AK9: variants seen among roughly 807,000 people sequenced by gnomAD.
AK9 encodes adenylate kinase domain containing 1.
In AK9, 191 loss-of-function variants were observed where a neutral mutation model predicts 239.6. The ratio of observed to expected loss-of-function variants is 0.80; its 90% CI spans 0.71 to 0.90. The LOEUF (loss-of-function observed/expected upper bound fraction) is 0.90, where lower values mean the gene tolerates loss of function less well. AK9 is among the 40% of genes least tolerant of loss of function. The pLI is 0.00. For missense variants in AK9, 1,995 were observed against 2,214.7 expected, an observed-to-expected ratio of 0.90 and a Z score of 1.99; for synonymous variants, 689 against 721.0, an observed-to-expected ratio of 0.96 and a Z score of 0.71.
intron 24 of AK9, among the ~76,000 whole-genome samples, chr6:109,552,822 T>C (rs1022636715): frequency 6.6e-6 from 1 of 152,190 alleles, no homozygotes; most frequent in Non-Finnish European, 1.5e-5. Context: ...TCTTCTACGT[T>C]TTTTTATGCT....
intron 21 of AK9, among the ~76,000 whole-genome samples, chr6:109,573,122 G>C (rs1056966592): frequency 6.6e-6 from 1 of 152,138 alleles, no homozygotes; most frequent in African/African-American, 2.4e-5. Context: ...ATGACAAATT[G>C]AGAGACAGAC....
intron 29 of AK9, chr6:109,528,680 G>T (rs376186741): frequency 1.1e-5 from 5 of 473,866 alleles, no homozygotes; most frequent in Non-Finnish European, 2.1e-5. Flanking sequence ...ATTCACACCA[G>T]GGTGACATGT....
chr6:109,603,636 C>T (rs1792401187), intron 17 of AK9, among the ~76,000 whole-genome samples: 3 of 152,214 alleles, frequency 2.0e-5, no homozygotes, highest in South Asian at 4.1e-4. Context: ...GAGGTTTCTG[C>T]TGCCTTTTGT....
intron 12 of AK9, among the ~76,000 whole-genome samples, chr6:109,626,785 G>A (rs1245218215): frequency 1.3e-5 from 2 of 152,148 alleles, no homozygotes; most frequent in African/African-American, 2.4e-5. Flanking sequence ...TGCTACAGCT[G>A]TATAGGGAAC....
intron 17 of AK9, among the ~76,000 whole-genome samples, chr6:109,601,383 A>G (rs371966067): frequency 1.1e-4 from 16 of 152,272 alleles, no homozygotes; most frequent in Admixed American, 5.9e-4. Flanking sequence ...GTAGTTGAGC[A>G]GTTTTGAGTG....
chr6:109,644,559 C>A, intron 9 of AK9, 55 bp downstream of exon 9: 1 of 1,435,478 alleles, frequency 7.0e-7, no homozygotes, highest in South Asian at 1.2e-5. Context: ...ACAATACTGT[C>A]AATAGATTTA....
chr6:109,533,684 A>C (rs779670837), intron 27 of AK9, among the ~76,000 whole-genome samples: 21 of 152,192 alleles, frequency 1.4e-4, no homozygotes, highest in Non-Finnish European at 2.8e-4. Context: ...TGTAATGAAT[A>C]GTTTAAAAAT....
At chr6:109,575,267 T>C (rs1225754040) in intron 20 of AK9, among the ~76,000 whole-genome samples, 4 of 152,290 alleles carry the variant, frequency 2.6e-5, no homozygotes, top group East Asian at 3.9e-4. Flanking sequence ...GTGTTTTCCA[T>C]AGTGTTGTAC....
intron 35 of AK9, 61 bp downstream of exon 35, chr6:109,506,266 A>T (rs886797086): frequency 1.4e-6 from 2 of 1,465,952 alleles, no homozygotes; most frequent in Non-Finnish European, 9.5e-7. Context: ...CAGTAACATG[A>T]GTCAGGCATG....
At chr6:109,609,225 A>G (rs1458552140) in intron 17 of AK9, among the ~76,000 whole-genome samples, 3 of 152,202 alleles carry the variant, frequency 2.0e-5, no homozygotes, top group Admixed American at 2.0e-4. Context: ...GCAAATATGG[A>G]AATTCCACAG....
intron 15 of AK9, among the ~76,000 whole-genome samples, chr6:109,613,214 C>T (rs1793784620): frequency 6.6e-6 from 1 of 151,340 alleles, no homozygotes; most frequent in African/African-American, 2.4e-5. Flanking sequence ...TGAAAAATAC[C>T]TTTACTTCAA....
chr6:109,566,282 A>ACCT, intron 21 of AK9, among the ~76,000 whole-genome samples: 1 of 152,120 alleles, frequency 6.6e-6, no homozygotes, highest in Non-Finnish European at 1.5e-5. Flanking sequence ...TAAATACTCT[A>ACCT]CCTACCCTTC....
chr6:109,677,144 T>C (rs991304904), intron 1 of AK9, among the ~76,000 whole-genome samples: 1 of 152,166 alleles, frequency 6.6e-6, no homozygotes, highest in African/African-American at 2.4e-5. Context: ...TTGGGTACTA[T>C]GCTTATTATC....
chr6:109,628,458 G>A (rs1795782827), intron 12 of AK9, among the ~76,000 whole-genome samples: 2 of 152,170 alleles, frequency 1.3e-5, no homozygotes, highest in African/African-American at 4.8e-5. Flanking sequence ...CCCTATCCAT[G>A]CAGACAATTG....
chr6:109,664,672 C>T (rs1800922353), intron 5 of AK9, among the ~76,000 whole-genome samples: 1 of 151,910 alleles, frequency 6.6e-6, no homozygotes, highest in Non-Finnish European at 1.5e-5. Context: ...ATCCGCCTGC[C>T]TCGGCCTCTC....
chr6:109,619,485 T>C (rs916412106), intron 12 of AK9, among the ~76,000 whole-genome samples: 3 of 152,098 alleles, frequency 2.0e-5, no homozygotes, highest in African/African-American at 7.2e-5. Context: ...AGTATATATA[T>C]TCAGATTATG....
chr6:109,509,361 A>C lies in AK9; in HGVS notation c.4299T>G (p.Ser1433Arg). Residue 1433 changes from serine (S) to arginine (R), a missense_variant, in exon 33 of 41, where the codon AGT becomes AGG. Coordinates refer to ENST00000424296, the MANE Select transcript of AK9 (RefSeq NM_001145128.3). The part of the protein sequence containing the change: ...GKTTVAKKIT[S>R]EYGLKHLSIG... ...TTGATAAATGCTTTAACCCATATTC[A>C]CTTGTAATTTTTTTGGCAACTGAAA... is the stretch of plus-strand genomic sequence containing the variant. 6.5e-7 allele frequency: 1 copy of C among 1,548,342 alleles called. No homozygotes were observed. The highest frequency in any genetic ancestry group is 8.7e-7 in the Non-Finnish European group (1 of 1,145,988).
chr6:109,632,315 G>A (rs1796167999), intron 12 of AK9: 3 of 985,528 alleles, frequency 3.0e-6, no homozygotes, highest in Admixed American at 6.1e-5. Context: ...TCTTGCATAG[G>A]CAATCCTCAA....
intron 5 of AK9, among the ~76,000 whole-genome samples, chr6:109,670,085 T>G (rs992121659): frequency 6.6e-6 from 1 of 152,156 alleles, no homozygotes; most frequent in African/African-American, 2.4e-5. Flanking sequence ...ACAAATGACC[T>G]GTTTTCTTCA....
Sources: gnomAD v4.1 joint callset for allele counts (sites outside exome capture counted in the v4.1 genomes callset) on GRCh38, gnomAD v4.1.1 for gene constraint, MANE v1.5 for transcripts, NCBI Gene and HGNC (gene_info 2026-07-23, HGNC 2026-07-21) for gene names.